BTNL8: variants seen among roughly 807,000 people sequenced by gnomAD.
BTNL8 encodes the protein butyrophilin like 8.
In BTNL8, 22 loss-of-function variants were observed where a neutral mutation model predicts 36.1. That is an observed-to-expected ratio of 0.61 (90% CI 0.44 to 0.87). BTNL8 has a LOEUF of 0.87. BTNL8 is among the 40% of genes least tolerant of loss of function. The probability of loss-of-function intolerance (pLI) is 0.00; values close to 1 mark genes in which losing one functional copy is unlikely to be tolerated. For synonymous variants in BTNL8, 203 were observed against 235.6 expected (o/e 0.86, Z 1.27); for missense variants, 526 against 616.9 (o/e 0.85, Z 1.56).
chr5:180,915,816 C>T (rs1278924435), intron 3 of BTNL8, among the ~76,000 whole-genome samples: 1 of 152,140 alleles, frequency 6.6e-6, no homozygotes, highest in Non-Finnish European at 1.5e-5. Flanking sequence ...GCAGAAAAAG[C>T]ATTTGACAAC....
At chr5:180,912,580 C>G (rs1368713675) in intron 3 of BTNL8, among the ~76,000 whole-genome samples, 1 of 152,036 alleles carries the variant, frequency 6.6e-6, no homozygotes, top group Non-Finnish European at 1.5e-5. Context: ...CTAAAATTCT[C>G]TGAGCTGGGA....
chr5:180,908,475 G>A lies in BTNL8; in HGVS notation c.50-111G>A, dbSNP rs140794153. ...AATGCAGAAATCACCCATGTTCTGC[G>A]TCGCTCACTCTGGGAGCTGTAGACC... is the stretch of plus-strand genomic sequence containing the variant. On this transcript the variant is annotated intron_variant, in intron 1 of 7. Coordinates refer to ENST00000340184, the MANE Select transcript of BTNL8 (RefSeq NM_001040462.3). 6.7e-4 allele frequency: 679 copies of A among 1,009,390 alleles called. 2 individuals are homozygous for A. In the African/African-American group the frequency reaches 9.1e-3, roughly 13 times the overall value. 62.5% of individuals were successfully genotyped at this position (1,009,390 alleles called of 1,614,324 possible). A position where few individuals can be genotyped will look rare whatever the true frequency, so the allele number is the denominator to read the frequency against.
chr5:180,949,055 T>C, intron 6 of BTNL8, 109 bp downstream of exon 6: 1 of 913,366 alleles, frequency 1.1e-6, no homozygotes, highest in Non-Finnish European at 1.6e-6. Flanking sequence ...AAGCTTGTGA[T>C]GGGAACTCTG....
chr5:180,943,564 G>C (rs1759090292), intron 3 of BTNL8, among the ~76,000 whole-genome samples: 1 of 152,168 alleles, frequency 6.6e-6, no homozygotes, highest in Non-Finnish European at 1.5e-5. Flanking sequence ...CATTACTCAA[G>C]TTAAAATTGC....
intron 6 of BTNL8, 21 bp downstream of exon 6, chr5:180,948,967 T>G: frequency 1.4e-6 from 1 of 697,388 alleles, no homozygotes; most frequent in Non-Finnish European, 2.3e-6. Flanking sequence ...ATATTCCTCT[T>G]CACACATTTA....
At chr5:180,941,914 T>TTTTTTTTTTTTTTTTTTTTTTTTTTTG (rs1281454934) in intron 3 of BTNL8, among the ~76,000 whole-genome samples, 18 of 150,948 alleles carry the variant, frequency 1.2e-4, no homozygotes, top group East Asian at 3.9e-4. Context: ...TTACTACTCT[T>TTTTTTTTTTTTTTTTTTTTTTTTTTTG]ATTCAACAAA....
chr5:180,924,212 G>A (rs1024731788), intron 3 of BTNL8, among the ~76,000 whole-genome samples: 2 of 152,122 alleles, frequency 1.3e-5, no homozygotes, highest in African/African-American at 4.8e-5. Context: ...ATCTACAGAG[G>A]GAGCATCTGA....
At chr5:180,936,752 C>T (rs1415653056) in intron 3 of BTNL8, among the ~76,000 whole-genome samples, 1 of 152,196 alleles carries the variant, frequency 6.6e-6, no homozygotes, top group African/African-American at 2.4e-5. Context: ...AACCAGTGAC[C>T]CTGACCACTT....
chr5:180,944,467 A>T lies in BTNL8; in HGVS notation c.674-3045A>T, dbSNP rs1352808263. 2.0e-5 allele frequency among the ~76,000 whole-genome samples: 3 copies of T among 152,316 alleles called. No individual in the cohort carries two copies. In the East Asian group the frequency reaches 5.8e-4, roughly 29 times the overall value. ...TGAGGCAATTAAAATTCTTTTAAAAAGCTGATCTCATAGAAGTAGAAAGTG... is the reference window on the plus strand; with the variant it reads ...TGAGGCAATTAAAATTCTTTTAAAATGCTGATCTCATAGAAGTAGAAAGTG... On this transcript the variant is annotated intron_variant, in intron 3 of 7. Coordinates refer to ENST00000340184, the MANE Select transcript of BTNL8 (RefSeq NM_001040462.3).
Position 180,935,075 on chromosome 5 carries a change from T to C in BTNL8, c.674-12437T>C, listed in dbSNP as rs967066415. On this transcript the variant is annotated intron_variant, in intron 3 of 7. Coordinates refer to ENST00000340184, the MANE Select transcript of BTNL8 (RefSeq NM_001040462.3). The surrounding 1 kb of genome is among the most constrained non-coding windows in gnomAD (Gnocchi z 4.8). ...CTTCCTGCTTCTCACTTCATAGTCCTGATGTCTGTCTGAGTCTAGGGGTTT... is the reference window on the plus strand; with the variant it reads ...CTTCCTGCTTCTCACTTCATAGTCCCGATGTCTGTCTGAGTCTAGGGGTTT... Among the ~76,000 whole-genome samples, 6 of 152,152 alleles carry C rather than the reference T, an allele frequency of 3.9e-5. No individual in the cohort carries two copies. The East Asian group carries it at 1.2e-3, about 29-fold the overall frequency.
At chr5:180,901,929 C>T (rs923387553) in intron 1 of BTNL8, among the ~76,000 whole-genome samples, 1 of 152,144 alleles carries the variant, frequency 6.6e-6, no homozygotes, top group African/African-American at 2.4e-5. Flanking sequence ...TTCAGTGTCA[C>T]AGCATGTCTT....
rs191911984 is a variant in BTNL8, at chr5:180,910,369, C to T, written c.398-970C>T. ...TTCTTCGTCATCCTGGACATACAGT[C>T]CAGGATATATGGCCCAGAACATTTG... On this transcript the variant is annotated intron_variant, in intron 2 of 7. Coordinates refer to ENST00000340184, the MANE Select transcript of BTNL8 (RefSeq NM_001040462.3). 3.2e-3 allele frequency among the ~76,000 whole-genome samples: 486 copies of T among 152,302 alleles called. 2 individuals are homozygous for T. The highest frequency in any genetic ancestry group is 0.011 in the African/African-American group (462 of 41,554).
chr5:180,930,437 A>G (rs1267168351), intron 3 of BTNL8, among the ~76,000 whole-genome samples: 2 of 152,318 alleles, frequency 1.3e-5, no homozygotes, highest in Admixed American at 6.5e-5. Flanking sequence ...CCTATTCAAC[A>G]TAGTATTGGA....
At chr5:180,929,898 G>A (rs1758287893) in intron 3 of BTNL8, among the ~76,000 whole-genome samples, 1 of 152,046 alleles carries the variant, frequency 6.6e-6, no homozygotes, top group Admixed American at 6.6e-5. Flanking sequence ...AAGAGGAGCT[G>A]GTACTATTCC....
chr5:180,902,625 C>T (rs1223767447), intron 1 of BTNL8, among the ~76,000 whole-genome samples: 8 of 150,680 alleles, frequency 5.3e-5, no homozygotes, highest in Non-Finnish European at 1.2e-4. Flanking sequence ...GCTGCACCCA[C>T]TAACTCGTCA....
intron 3 of BTNL8, chr5:180,945,854 T>C (rs2113864430): frequency 2.1e-6 from 1 of 469,374 alleles, no homozygotes; most frequent in East Asian, 5.6e-5. Flanking sequence ...CAATATGTGC[T>C]GGCAGTGTTT....
intron 3 of BTNL8, among the ~76,000 whole-genome samples, chr5:180,932,908 C>CAT (rs1758467029): frequency 6.6e-6 from 1 of 151,344 alleles, no homozygotes; most frequent in Non-Finnish European, 1.5e-5. Context: ...TAAAATCAAC[C>CAT]ATATACTACT....
At chr5:180,946,887 G>A (rs1022365432) in intron 3 of BTNL8, among the ~76,000 whole-genome samples, 2 of 152,102 alleles carry the variant, frequency 1.3e-5, no homozygotes, top group Non-Finnish European at 2.9e-5. Flanking sequence ...TATGTGATTT[G>A]TCAATTTAAA....
chr5:180,904,849 A>G (rs1240508706), intron 1 of BTNL8, among the ~76,000 whole-genome samples: 2 of 152,000 alleles, frequency 1.3e-5, no homozygotes, highest in East Asian at 1.9e-4. Flanking sequence ...CGTATATTGA[A>G]CCAGCCTTGC....
Sources: allele counts gnomAD v4.1 joint callset (sites outside exome capture counted in the v4.1 genomes callset), GRCh38; gene constraint gnomAD v4.1.1; non-coding constraint Gnocchi (gnomAD v3.1); transcripts MANE v1.5; gene names NCBI Gene and HGNC (gene_info 2026-07-23, HGNC 2026-07-21).